Variants in TXNRD1 observed in about 807,000 individuals in gnomAD.
TXNRD1 encodes thioredoxin reductase 1.
A neutral mutation model predicts 80.3 loss-of-function variants in TXNRD1; 57 were observed. The ratio of observed to expected loss-of-function variants is 0.71; its 90% CI spans 0.57 to 0.89. The LOEUF is 0.89. Ranked by LOEUF, TXNRD1 falls within the 40% of genes least tolerant of loss-of-function variation. The pLI is 0.00. For missense variants in TXNRD1, 730 were observed against 803.0 expected (o/e 0.91, Z 1.10); for synonymous variants, 291 against 285.2 (o/e 1.02, Z -0.20).
intron 1 of TXNRD1, among the ~76,000 whole-genome samples, chr12:104,226,209 C>CA (rs1213344377): frequency 5.9e-5 from 9 of 151,320 alleles, no homozygotes; most frequent in East Asian, 1.9e-4. Flanking sequence ...TCAAAAAAAA[C>CA]AAAAAAAGAA....
At chr12:104,243,184 A>G (rs1359176962) in intron 1 of TXNRD1, among the ~76,000 whole-genome samples, 1 of 152,232 alleles carries the variant, frequency 6.6e-6, no homozygotes. Flanking sequence ...AATTTGGTAA[A>G]TAAATAATAC....
At chr12:104,295,685 A>T (rs2034412574) in intron 4 of TXNRD1, among the ~76,000 whole-genome samples, 1 of 151,988 alleles carries the variant, frequency 6.6e-6, no homozygotes, top group African/African-American at 2.4e-5. Flanking sequence ...CACTTTTCCA[A>T]CTGCCTACCC....
At chr12:104,289,119 C>T (rs2034084292) in intron 4 of TXNRD1, 79 bp downstream of exon 4, 1 of 1,522,034 alleles carries the variant, frequency 6.6e-7, no homozygotes, top group South Asian at 1.2e-5. Flanking sequence ...CCTTTTAAAG[C>T]CAGCGTGGAT....
intron 4 of TXNRD1, among the ~76,000 whole-genome samples, chr12:104,300,192 G>T (rs1335809168): frequency 6.6e-6 from 1 of 152,150 alleles, no homozygotes; most frequent in Admixed American, 6.5e-5. Context: ...AAGAGCTCAA[G>T]AATGCTTGGA....
chr12:104,340,008 T>C (rs1319265324), intron 16 of TXNRD1, among the ~76,000 whole-genome samples: 1 of 152,236 alleles, frequency 6.6e-6, no homozygotes, highest in Non-Finnish European at 1.5e-5. Context: ...TGACTGGTTG[T>C]TCTGTCTGTT....
intron 1 of TXNRD1, among the ~76,000 whole-genome samples, chr12:104,250,529 G>A (rs1036856371): frequency 3.9e-5 from 6 of 152,094 alleles, no homozygotes; most frequent in Non-Finnish European, 1.5e-5. Context: ...TGTAAGCTGT[G>A]CAACCCTGAG....
chr12:104,290,299 A>G (rs1445191798), intron 4 of TXNRD1, among the ~76,000 whole-genome samples: 2 of 152,176 alleles, frequency 1.3e-5, no homozygotes, highest in African/African-American at 4.8e-5. Context: ...TTAATGGAAA[A>G]TTAATGGAAA....
intron 3 of TXNRD1, among the ~76,000 whole-genome samples, chr12:104,261,649 T>C (rs1046126094): frequency 1.3e-5 from 2 of 152,240 alleles, no homozygotes; most frequent in Non-Finnish European, 2.9e-5. Context: ...ACAACGTATA[T>C]TGCAACAAAT....
intron 4 of TXNRD1, among the ~76,000 whole-genome samples, chr12:104,291,274 T>TGGCTC (rs564336229): frequency 0.069 from 10,103 of 146,144 alleles, 615 homozygotes; most frequent in African/African-American, 0.16. Flanking sequence ...GATCTTGGCT[T>TGGCTC]ACCGCAACCT....
rs1013886673 is a variant in TXNRD1 at position 104,241,288 on chromosome 12, C to A, written c.92-10239C>A. Among the ~76,000 whole-genome samples the A allele has an allele frequency of 2.6e-5, 4 of 152,182 alleles. No homozygotes were observed. In the East Asian group the frequency reaches 7.7e-4, roughly 29 times the overall value. On this transcript the variant is annotated intron_variant, in intron 1 of 16. Coordinates refer to ENST00000525566, the MANE Select transcript of TXNRD1 (RefSeq NM_001093771.3). ...ACTCCTGACCTGGTGATCCGCCCGCCTCAGCATCCCAAAGTGCTGAGATTA... is the reference window on the plus strand; with the variant it reads ...ACTCCTGACCTGGTGATCCGCCCGCATCAGCATCCCAAAGTGCTGAGATTA...
intron 2 of TXNRD1, among the ~76,000 whole-genome samples, chr12:104,255,932 A>G (rs1565864875): frequency 2.0e-5 from 3 of 152,236 alleles, no homozygotes; most frequent in Admixed American, 6.5e-5. Flanking sequence ...GATTGGTGCC[A>G]GTTAATTTGG....
intron 3 of TXNRD1, among the ~76,000 whole-genome samples, chr12:104,287,633 G>A (rs1447116390): frequency 6.6e-6 from 1 of 152,182 alleles, no homozygotes; most frequent in Non-Finnish European, 1.5e-5. Flanking sequence ...AGTAGGGAAA[G>A]CAAGGCTCAG....
rs549783147 is a variant in TXNRD1, at chr12:104,249,741, C to T, written c.92-1786C>T. On this transcript the variant is annotated intron_variant, in intron 1 of 16. Transcript: ENST00000525566. ...ACGAGGTCAGGAGATCAAGACCATC[C>T]TGGCTAACATGGTGAAACCCCGTCT... Among the ~76,000 whole-genome samples the T allele has an allele frequency of 9.1e-4, 139 of 151,974 alleles. No homozygotes were observed. In the Middle Eastern group the frequency reaches 0.017, roughly 19 times the overall value.
At chr12:104,230,593 G>A (rs1384232530) in intron 1 of TXNRD1, among the ~76,000 whole-genome samples, 2 of 152,120 alleles carry the variant, frequency 1.3e-5, no homozygotes, top group African/African-American at 4.8e-5. Flanking sequence ...ATTTTCATGT[G>A]CTTACTGTTT....
intron 4 of TXNRD1, among the ~76,000 whole-genome samples, chr12:104,297,137 C>T (rs1245231961): frequency 6.6e-6 from 1 of 151,696 alleles, no homozygotes. Flanking sequence ...AACCCCTTCC[C>T]TACTAAAAAT....
chr12:104,229,822 A>G (rs1273780151), intron 1 of TXNRD1, among the ~76,000 whole-genome samples: 1 of 151,266 alleles, frequency 6.6e-6, no homozygotes, highest in South Asian at 2.1e-4. Flanking sequence ...TGAACTCCTG[A>G]CCTCGTGATC....
rs138666018 is a variant in TXNRD1 at position 104,308,328 on chromosome 12, CTG to C, written c.415-2959_415-2958del. 9.9e-3 allele frequency among the ~76,000 whole-genome samples: 1,503 copies of C among 152,222 alleles called. 11 individuals carry two copies. Among genetic ancestry groups the C allele is most frequent in the Non-Finnish European group, 0.015 (987 of 68,006 alleles). On this transcript the variant is annotated intron_variant, in intron 4 of 16. Coordinates refer to ENST00000525566, the MANE Select transcript of TXNRD1 (RefSeq NM_001093771.3). ...CACTCTTAATTCTCTTGCATGTAAA[CTG>C]TGAAGTTTTCCAGAGGTTATATGAC...
chr12:104,322,072 T>C (rs575258012), intron 10 of TXNRD1, among the ~76,000 whole-genome samples: 1 of 152,020 alleles, frequency 6.6e-6, no homozygotes, highest in Non-Finnish European at 1.5e-5. Context: ...TGCTGATAGA[T>C]AAGAATATGA....
At chr12:104,319,092 CT>C in intron 8 of TXNRD1, 37 bp downstream of exon 8, 1 of 1,515,000 alleles carries the variant, frequency 6.6e-7, no homozygotes, top group Non-Finnish European at 8.8e-7. Flanking sequence ...TTTTTTTTTT[CT>C]TTTTTCTCTT....
Sources: gnomAD v4.1 joint callset for allele counts (sites outside exome capture counted in the v4.1 genomes callset) on GRCh38, gnomAD v4.1.1 for gene constraint, MANE v1.5 for transcripts, NCBI Gene and HGNC (gene_info 2026-07-23, HGNC 2026-07-21) for gene names.